PAFAH1B2: variants seen among roughly 807,000 people sequenced by gnomAD.
PAFAH1B2 encodes platelet-activating factor acetylhydrolase IB subunit alpha2.
A neutral mutation model predicts 28.0 loss-of-function variants in PAFAH1B2; 8 were observed. The observed-to-expected ratio is 0.29, with a 90% confidence interval of 0.17 to 0.52. The LOEUF is 0.52. Ranked by LOEUF, PAFAH1B2 falls within the 20% of genes least tolerant of loss-of-function variation. PAFAH1B2 has a pLI of 0.97. For synonymous variants in PAFAH1B2, 104 were observed against 103.2 expected (o/e 1.01, Z -0.05); for missense variants, 190 against 282.6 (o/e 0.67, Z 2.35).
chr11:117,166,738 T>A (rs1437684447), intron 5 of PAFAH1B2, among the ~76,000 whole-genome samples: 2 of 152,180 alleles, frequency 1.3e-5, no homozygotes, highest in African/African-American at 4.8e-5. Context: ...TTTCTCATAG[T>A]ATATTATGGT....
intron 2 of PAFAH1B2, among the ~76,000 whole-genome samples, chr11:117,154,122 A>AT (rs2134181849): frequency 6.6e-6 from 1 of 151,228 alleles, no homozygotes; most frequent in Admixed American, 6.6e-5. Context: ...TCAAAAAGAA[A>AT]AAAAAGAAGT....
At chr11:117,159,171 T>C (rs1162435117) in intron 2 of PAFAH1B2, among the ~76,000 whole-genome samples, 2 of 152,156 alleles carry the variant, frequency 1.3e-5, no homozygotes, top group Non-Finnish European at 2.9e-5. Flanking sequence ...TTAATAAAAG[T>C]TTGAGGAAAA....
At chr11:117,151,080 A>C (rs1429434154) in intron 1 of PAFAH1B2, among the ~76,000 whole-genome samples, 1 of 151,786 alleles carries the variant, frequency 6.6e-6, no homozygotes, top group Non-Finnish European at 1.5e-5. Flanking sequence ...TTGGAGTTTA[A>C]TGTTTCTATT....
intron 5 of PAFAH1B2, among the ~76,000 whole-genome samples, chr11:117,166,621 A>G (rs567574021): frequency 6.6e-6 from 1 of 152,204 alleles, no homozygotes; most frequent in Admixed American, 6.5e-5. Context: ...CCTAGTATCT[A>G]TGCAATTGGA....
chr11:117,172,120 GAA>G (rs1324901056), downstream of PAFAH1B2, among the ~76,000 whole-genome samples: 1 of 151,962 alleles, frequency 6.6e-6, no homozygotes, highest in Non-Finnish European at 1.5e-5. Context: ...GTGGAAGAAA[GAA>G]AAAGCTCCCT....
chr11:117,149,693 A>G (rs1028937166), intron 1 of PAFAH1B2, among the ~76,000 whole-genome samples: 1 of 151,704 alleles, frequency 6.6e-6, no homozygotes, highest in Non-Finnish European at 1.5e-5. Context: ...CGGCCTCCCA[A>G]AGTGCTGGGA....
chr11:117,150,299 C>G (rs1186667239), intron 1 of PAFAH1B2, among the ~76,000 whole-genome samples: 1 of 152,112 alleles, frequency 6.6e-6, no homozygotes, highest in African/African-American at 2.4e-5. Flanking sequence ...CAGGCGTGTT[C>G]CACCATGCCC....
At position 117,168,446 on chromosome 11, in the gene PAFAH1B2, G is replaced by GTTTTTTTT. The variant is rs71469127; in HGVS notation, c.*765_*772dup. 5.2e-3 allele frequency: 1,232 copies of GTTTTTTTT among 235,408 alleles called. No homozygotes were observed. Among genetic ancestry groups the GTTTTTTTT allele is most frequent in the Non-Finnish European group, 5.6e-3 (1,130 of 200,738 alleles). The allele number at this position is 235,408 out of a possible 1,614,324, so 14.6% of individuals were successfully genotyped here. On this transcript the variant is annotated 3_prime_UTR_variant, in exon 6 of 6. Coordinates refer to ENST00000527958, the MANE Select transcript of PAFAH1B2 (RefSeq NM_002572.4). ...TCCCCTTCATTCCCCCCGCCACCCCGTTTTTTTTTTTTTTTTTTTTTTTTT... is the reference window on the plus strand; with the variant it reads ...TCCCCTTCATTCCCCCCGCCACCCCGTTTTTTTTTTTTTTTTTTTTTTTTTTTTTTTTT...
chr11:117,160,451 A>G (rs1325079509), intron 3 of PAFAH1B2, among the ~76,000 whole-genome samples: 1 of 152,186 alleles, frequency 6.6e-6, no homozygotes, highest in Non-Finnish European at 1.5e-5. Flanking sequence ...GGGTTTAGGC[A>G]TTCTTCCATG....
chr11:117,159,698 G>C (rs111290780), intron 2 of PAFAH1B2: 1 of 443,096 alleles, frequency 2.3e-6, no homozygotes, highest in Non-Finnish European at 4.1e-6. Context: ...TCACGCCACT[G>C]TACTCCAGCC....
intron 1 of PAFAH1B2, among the ~76,000 whole-genome samples, chr11:117,147,061 G>C (rs894181767): frequency 4.6e-5 from 7 of 152,050 alleles, no homozygotes; most frequent in Admixed American, 1.3e-4. Context: ...CTGATGTCAG[G>C]AGTTCGAGAC....
chr11:117,153,971 C>T (rs1956210672), intron 2 of PAFAH1B2, among the ~76,000 whole-genome samples: 1 of 149,706 alleles, frequency 6.7e-6, no homozygotes. Flanking sequence ...TGGCTCATGC[C>T]TGTAATCCCA....
intron 2 of PAFAH1B2, among the ~76,000 whole-genome samples, chr11:117,157,418 A>G (rs1177993724): frequency 1.3e-5 from 2 of 152,080 alleles, no homozygotes; most frequent in Admixed American, 1.3e-4. Context: ...CTAGGATTAC[A>G]GGCGTGAGCT....
chr11:117,156,040 T>A (rs1037101570), intron 2 of PAFAH1B2, among the ~76,000 whole-genome samples: 2 of 151,768 alleles, frequency 1.3e-5, no homozygotes, highest in Non-Finnish European at 2.9e-5. Context: ...GAAAAAAAAA[T>A]TCACTGGGCA....
chr11:117,174,093 T>A (rs1454056457), downstream of PAFAH1B2, among the ~76,000 whole-genome samples: 2 of 152,002 alleles, frequency 1.3e-5, no homozygotes, highest in African/African-American at 4.8e-5. Flanking sequence ...CCTAAATAAT[T>A]TGATTGGATT....
At chr11:117,157,381 A>T (rs1956276760) in intron 2 of PAFAH1B2, among the ~76,000 whole-genome samples, 1 of 151,914 alleles carries the variant, frequency 6.6e-6, no homozygotes, top group African/African-American at 2.4e-5. Context: ...AGCTCATGTG[A>T]TCTGCTCACT....
intron 1 of PAFAH1B2, among the ~76,000 whole-genome samples, chr11:117,147,268 C>CA (rs1371684090): frequency 6.6e-6 from 1 of 151,924 alleles, no homozygotes; most frequent in African/African-American, 2.4e-5. Context: ...AACTCTGTCT[C>CA]AAAAAAAGAA....
At chr11:117,178,011 T>C (rs1420148485), downstream of PAFAH1B2, among the ~76,000 whole-genome samples, 1 of 152,220 alleles carries the variant, frequency 6.6e-6, no homozygotes, top group Non-Finnish European at 1.5e-5. Context: ...TAAGCGTAGC[T>C]GCCCAGGTAT....
intron 5 of PAFAH1B2, among the ~76,000 whole-genome samples, chr11:117,166,500 TAGC>T (rs1164583942): frequency 1.3e-5 from 2 of 152,368 alleles, no homozygotes; most frequent in South Asian, 2.1e-4. Flanking sequence ...TTGAATATGA[TAGC>T]AGTAATCACA....
Sources: gnomAD v4.1 joint callset for allele counts (sites outside exome capture counted in the v4.1 genomes callset) on GRCh38, gnomAD v4.1.1 for gene constraint, MANE v1.5 for transcripts, NCBI Gene and HGNC (gene_info 2026-07-23, HGNC 2026-07-21) for gene names.